The following DNAI7 variants were observed in gnomAD, a reference collection of about 807,000 sequenced individuals.
The protein encoded by DNAI7 is dynein axonemal intermediate chain 7, also known as cancer susceptibility 1.
DNAI7 carries 78 observed loss-of-function variants against 86.6 expected under a neutral mutation model. That is an observed-to-expected ratio of 0.90 (90% CI 0.75 to 1.09). DNAI7 has a LOEUF of 1.09. Ranked by LOEUF, DNAI7 falls within the 50% of genes least tolerant of loss-of-function variation. The probability of loss-of-function intolerance (pLI) is 0.00; values close to 1 mark genes in which losing one functional copy is unlikely to be tolerated. For missense variants in DNAI7, 753 were observed against 810.2 expected, an observed-to-expected ratio of 0.93 and a Z score of 0.86; for synonymous variants, 274 against 273.0, an observed-to-expected ratio of 1.00 and a Z score of -0.04.
intron 1 of DNAI7, among the ~76,000 whole-genome samples, chr12:25,191,958 A>G (rs1367804980): frequency 1.3e-5 from 2 of 152,228 alleles, no homozygotes; most frequent in East Asian, 3.8e-4. Flanking sequence ...AGAGTTATAC[A>G]TGGGAAATAT....
intron 2 of DNAI7, among the ~76,000 whole-genome samples, chr12:25,172,379 G>A (rs983670897): frequency 1.3e-5 from 2 of 151,952 alleles, no homozygotes; most frequent in African/African-American, 4.8e-5. Flanking sequence ...AAAATACTTA[G>A]GAATATACCT....
intron 7 of DNAI7, among the ~76,000 whole-genome samples, chr12:25,147,581 T>C (rs1945037505): frequency 6.6e-6 from 1 of 152,056 alleles, no homozygotes; most frequent in South Asian, 2.1e-4. Context: ...TGCTTGAGTC[T>C]GGGAGGTTGA....
chr12:25,193,874 T>G (rs947355614), intron 1 of DNAI7, among the ~76,000 whole-genome samples: 17 of 151,004 alleles, frequency 1.1e-4, no homozygotes, highest in African/African-American at 4.2e-4. Context: ...CAGGCTGGAG[T>G]GCAGTGGCAC....
intron 2 of DNAI7, among the ~76,000 whole-genome samples, chr12:25,181,011 T>C (rs1949449611): frequency 6.6e-6 from 1 of 152,178 alleles, no homozygotes; most frequent in Admixed American, 6.5e-5. Flanking sequence ...TTTCGCCATG[T>C]TGGGCAGGCT....
chr12:25,173,688 C>G (rs773864071), intron 2 of DNAI7, among the ~76,000 whole-genome samples: 1 of 151,726 alleles, frequency 6.6e-6, no homozygotes, highest in Admixed American at 6.6e-5. Context: ...ATTGCAAAAT[C>G]GTGGAACCAA....
At chr12:25,166,349 A>G (rs530735486) in intron 2 of DNAI7, among the ~76,000 whole-genome samples, 49 of 152,044 alleles carry the variant, frequency 3.2e-4, no homozygotes, top group Admixed American at 9.2e-4. Context: ...ACACTCTCCT[A>G]TCCTCAATAC....
chr12:25,139,447 T>C (rs1240926512), intron 9 of DNAI7, among the ~76,000 whole-genome samples: 1 of 152,116 alleles, frequency 6.6e-6, no homozygotes, highest in Non-Finnish European at 1.5e-5. Flanking sequence ...TGAACATAGA[T>C]GTAAAAATCC....
chr12:25,114,938 C>A, intron 12 of DNAI7, 68 bp from the exon 13 acceptor site: 2 of 1,245,134 alleles, frequency 1.6e-6, no homozygotes, highest in African/African-American at 1.5e-5. Context: ...TAAATGAAAG[C>A]ACCAAAAAAA....
rs192557021 is a variant in DNAI7 at position 25,143,750 on chromosome 12, A to G, written c.1002+615T>C. ...GTCCCTCATAACATGCAAATAGGCTATTAAACAAAGAATCTGCTTAGCTCT... is the reference window on the plus strand; with the variant it reads ...GTCCCTCATAACATGCAAATAGGCTGTTAAACAAAGAATCTGCTTAGCTCT... On this transcript the variant is annotated intron_variant, in intron 9 of 15. Transcript: ENST00000395987. Among the ~76,000 whole-genome samples the G allele has an allele frequency of 3.6e-3, 548 of 152,354 alleles. 5 individuals carry two copies. The highest frequency in any genetic ancestry group is 0.012 in the African/African-American group (509 of 41,586).
chr12:25,155,306 C>G lies in DNAI7; in HGVS notation c.300+5G>C. 1 of 1,530,564 alleles carries G rather than the reference C, an allele frequency of 6.5e-7. No individual in the cohort carries two copies. Among genetic ancestry groups the G allele is most frequent in the Non-Finnish European group, 9.0e-7 (1 of 1,108,140 alleles). The allele number at this position is 1,530,564 out of a possible 1,614,324, so 94.8% of individuals were successfully genotyped here. On this transcript the variant is annotated splice_donor_5th_base_variant and intron_variant, in intron 5 of 15. Coordinates refer to ENST00000395987, the MANE Select transcript of DNAI7 (RefSeq NM_018272.5). Reference sequence around the variant, plus strand: ...TATTAGCTAAAAAAGAGAAATCAGTCCTACCTGAGAAAGCAATTTAGTTTC... The same window carrying G: ...TATTAGCTAAAAAAGAGAAATCAGTGCTACCTGAGAAAGCAATTTAGTTTC...
At chr12:25,166,445 C>T (rs1414171267) in intron 2 of DNAI7, among the ~76,000 whole-genome samples, 6 of 152,146 alleles carry the variant, frequency 3.9e-5, no homozygotes, top group African/African-American at 1.4e-4. Flanking sequence ...AGCCTCTCTT[C>T]GCTTTCACTT....
At chr12:25,117,995 G>A (rs550640813) in intron 12 of DNAI7, among the ~76,000 whole-genome samples, 6 of 144,716 alleles carry the variant, frequency 4.1e-5, no homozygotes, top group Non-Finnish European at 6.0e-5. Flanking sequence ...GTGCAGTGGC[G>A]CAATCTCGGC....
intron 13 of DNAI7, among the ~76,000 whole-genome samples, chr12:25,113,938 G>GATT (rs1939504573): frequency 1.2e-5 from 1 of 82,834 alleles, no homozygotes; most frequent in Non-Finnish European, 2.2e-5. Flanking sequence ...TTCTTTCTGG[G>GATT]TTTTTTTTTT....
At chr12:25,150,114 T>G (rs1237208380) in intron 6 of DNAI7, among the ~76,000 whole-genome samples, 1 of 152,162 alleles carries the variant, frequency 6.6e-6, no homozygotes, top group East Asian at 1.9e-4. Context: ...AAATCACCAT[T>G]TTTCAATCCC....
Position 25,121,800 on chromosome 12 carries a change from C to T in DNAI7, c.1192G>A (p.Glu398Lys). ...LGGVYHLDIL[E>K]LPPQCKPVKG... ...ACTGGTTTACACTGTGGAGGAAGCT[C>T]CAAAATATCCAAGTGGTATACTCCA... Residue 398 changes from glutamate (E) to lysine (K), a missense_variant, in exon 11 of 16, where the codon GAG becomes AAG. Coordinates refer to ENST00000395987, the MANE Select transcript of DNAI7 (RefSeq NM_018272.5). 1 of 1,608,004 alleles carries T rather than the reference C, an allele frequency of 6.2e-7. No individual in the cohort carries two copies. The highest frequency in any genetic ancestry group is 1.1e-5 in the South Asian group (1 of 89,240).
chr12:25,147,095 T>A lies in DNAI7; in HGVS notation c.595A>T (p.Thr199Ser). The A allele has an allele frequency of 6.4e-7, 1 of 1,571,474 alleles. No homozygotes were observed. The change falls in exon 8 of 16, where the codon ACT (threonine) becomes TCT (serine). Residue 199 changes from threonine (T) to serine (S), a missense_variant. Physicochemically the swap from Thr to Ser is moderately conservative, Grantham distance 58 (BLOSUM62 1). Coordinates refer to ENST00000395987, the MANE Select transcript of DNAI7 (RefSeq NM_018272.5). ...ATEILLKQASTLADLDSGNME... is the reference protein window; with the variant it reads ...ATEILLKQASSLADLDSGNME... ...TTTCCACTGTCCAGATCTGCCAAAG[T>A]ACTAGCTTGCTGTAAGAGAAAAAGA...
intron 2 of DNAI7, 130 bp downstream of exon 2, chr12:25,190,484 A>G: frequency 2.5e-6 from 1 of 395,236 alleles, no homozygotes; most frequent in South Asian, 9.8e-5. Flanking sequence ...AACTGCATTA[A>G]TGTCTAAAAA....
chr12:25,126,130 T>G (rs568893693), intron 9 of DNAI7, among the ~76,000 whole-genome samples: 1 of 152,206 alleles, frequency 6.6e-6, no homozygotes, highest in African/African-American at 2.4e-5. Context: ...AATTCTAATG[T>G]GAGTGAAAGT....
intron 9 of DNAI7, among the ~76,000 whole-genome samples, chr12:25,132,496 G>A (rs1033528314): frequency 2.8e-5 from 4 of 140,456 alleles, no homozygotes. Context: ...AGTGTTGTTT[G>A]GATACTTTAC....
Sources: gnomAD v4.1 joint callset for allele counts (sites outside exome capture counted in the v4.1 genomes callset) on GRCh38, gnomAD v4.1.1 for gene constraint, MANE v1.5 for transcripts, NCBI Gene and HGNC (gene_info 2026-07-23, HGNC 2026-07-21) for gene names.